The following PCCB variants were observed in gnomAD, a reference collection of about 807,000 sequenced individuals.
The protein encoded by PCCB is propionyl-CoA carboxylase beta chain, mitochondrial.
Under a neutral mutation model 60.7 loss-of-function variants are expected in PCCB, and 43 were observed. The ratio of observed to expected loss-of-function variants is 0.71; its 90% CI spans 0.55 to 0.91. The LOEUF is 0.91. PCCB is among the 40% of genes least tolerant of loss of function. PCCB has a pLI of 0.00. For synonymous variants in PCCB, 276 were observed against 255.9 expected (o/e 1.08, Z -0.75); for missense variants, 766 against 702.8 (o/e 1.09, Z -1.02).
chr3:136,264,440 G>GTATATATATATATATATATA (rs370057075), intron 5 of PCCB, among the ~76,000 whole-genome samples: 4 of 123,780 alleles, frequency 3.2e-5, no homozygotes, highest in African/African-American at 1.2e-4. Context: ...ATGTGTGTGT[G>GTATATATATATATATATATA]TATATATGTA....
intron 5 of PCCB, among the ~76,000 whole-genome samples, chr3:136,266,671 TG>T (rs1941991911): frequency 3.3e-5 from 5 of 152,254 alleles, no homozygotes; most frequent in African/African-American, 1.2e-4. Flanking sequence ...TGACTAATCA[TG>T]TTGAGCATCT....
chr3:136,274,819 T>C (rs1376218623), intron 5 of PCCB, among the ~76,000 whole-genome samples: 1 of 151,880 alleles, frequency 6.6e-6, no homozygotes, highest in Non-Finnish European at 1.5e-5. Flanking sequence ...GTTCATTTCT[T>C]CTTTCTTTTT....
chr3:136,273,597 C>CTTTTTTTTTTT, intron 5 of PCCB, among the ~76,000 whole-genome samples: 1 of 45,224 alleles, frequency 2.2e-5, no homozygotes, highest in Non-Finnish European at 4.2e-5. Flanking sequence ...TTTCTTTTTT[C>CTTTTTTTTTTT]TTTTTTTTTT....
chr3:136,266,883 A>ATTTTTAT (rs1941998179), intron 5 of PCCB, among the ~76,000 whole-genome samples: 1 of 151,044 alleles, frequency 6.6e-6, no homozygotes, highest in Non-Finnish European at 1.5e-5. Context: ...CTTTATTTTT[A>ATTTTTAT]TTTTTATTTT....
chr3:136,297,938 C>G lies in PCCB; in HGVS notation c.764-14C>G. The G allele has an allele frequency of 1.2e-6, 2 of 1,614,008 alleles. No homozygotes were observed. Among genetic ancestry groups the G allele is most frequent in the African/African-American group, 1.3e-5 (1 of 75,044 alleles). ...GTACCCTGACTCAATCATATATGCT[C>G]CCTGTTCTCTTAGGTGTGGCCCACA... On this transcript the variant is annotated splice_polypyrimidine_tract_variant and intron_variant, in intron 7 of 14. Coordinates refer to ENST00000251654, the MANE Select transcript of PCCB (RefSeq NM_000532.5).
At chr3:136,273,911 CAAAA>C (rs34690853) in intron 5 of PCCB, among the ~76,000 whole-genome samples, 53 of 55,514 alleles carry the variant, frequency 9.5e-4, no homozygotes, top group African/African-American at 3.4e-3. Context: ...GACTCTGTCT[CAAAA>C]AAAAAAAAAA....
intron 7 of PCCB, 132 bp from the exon 8 acceptor site, chr3:136,297,820 A>C: frequency 1.1e-6 from 1 of 918,748 alleles, no homozygotes; most frequent in South Asian, 1.3e-5. Context: ...TCCTCAGTGG[A>C]GGGTGCAGAG....
At chr3:136,273,695 G>A (rs1942265566) in intron 5 of PCCB, among the ~76,000 whole-genome samples, 2 of 144,346 alleles carry the variant, frequency 1.4e-5, no homozygotes, top group Admixed American at 7.1e-5. Context: ...GGCGGATCGC[G>A]AGGTCAGGAG....
rs1935374698 is a variant in PCCB at position 136,327,677 on chromosome 3, G to C, written c.1343G>C (p.Cys448Ser). The C allele has an allele frequency of 6.2e-7, 1 of 1,613,986 alleles. No homozygotes were observed. The highest frequency in any genetic ancestry group is 1.3e-5 in the African/African-American group (1 of 74,920). Residue 448 changes from cysteine to serine, a missense_variant, in exon 13 of 15, where the codon TGT (cysteine) becomes TCT (serine). Cys to Ser is a moderately radical substitution (Grantham distance 112). Transcript: ENST00000251654. Reference protein sequence around the residue: ...AYDVMSSKHLCGDTNYAWPTA... With the variant: ...AYDVMSSKHLSGDTNYAWPTA... ...GATGTCATGAGCTCTAAGCACCTTT[G>C]TGGTGATACCAACTATGCCTGGCCC...
intron 6 of PCCB, among the ~76,000 whole-genome samples, chr3:136,286,673 C>CA (rs941191416): frequency 5.3e-5 from 8 of 152,140 alleles, no homozygotes; most frequent in African/African-American, 1.7e-4. Flanking sequence ...TTCTTACTAA[C>CA]AAAACTGCTA....
intron 10 of PCCB, among the ~76,000 whole-genome samples, chr3:136,318,592 A>G (rs1934999320): frequency 6.6e-6 from 1 of 152,106 alleles, no homozygotes; most frequent in Non-Finnish European, 1.5e-5. Flanking sequence ...TTCTAAATCT[A>G]CTTTCTCTCT....
intron 5 of PCCB, among the ~76,000 whole-genome samples, chr3:136,283,173 G>T (rs1040450421): frequency 6.6e-6 from 1 of 152,192 alleles, no homozygotes; most frequent in Non-Finnish European, 1.5e-5. Context: ...GAATTTGGAA[G>T]TAGGGCAAAG....
intron 5 of PCCB, among the ~76,000 whole-genome samples, chr3:136,267,981 T>C (rs1942053433): frequency 7.2e-6 from 1 of 139,730 alleles, no homozygotes; most frequent in African/African-American, 2.7e-5. Flanking sequence ...AGTTTCACTC[T>C]TGTCGCCCAG....
intron 10 of PCCB, among the ~76,000 whole-genome samples, chr3:136,323,408 T>C (rs1935177971): frequency 6.6e-6 from 1 of 152,222 alleles, no homozygotes; most frequent in Non-Finnish European, 1.5e-5. Context: ...TATTGTACTT[T>C]TCAGCTCCAG....
Position 136,293,812 on chromosome 3 carries a change from G to C in PCCB, c.711G>C (p.Glu237Asp). The C allele has an allele frequency of 6.2e-7, 1 of 1,613,624 alleles. No homozygotes were observed. The highest frequency in any genetic ancestry group is 8.5e-7 in the Non-Finnish European group (1 of 1,179,590). ...GPDVVKSVTN[E>D]DVTQEELGGA... Reference sequence around the variant, plus strand: ...ATGTTGTGAAGTCTGTCACCAATGAGGATGTTACCCAGGAGGAGCTCGGTG... The same window carrying C: ...ATGTTGTGAAGTCTGTCACCAATGACGATGTTACCCAGGAGGAGCTCGGTG... The change falls in exon 7 of 15, where the codon GAG becomes GAC. Residue 237 changes from glutamate to aspartate, a missense_variant. By Grantham distance (45) the Glu-to-Asp change is conservative (BLOSUM62 2). Transcript: ENST00000251654.
chr3:136,252,300 C>T (rs933707183), intron 1 of PCCB: 3 of 455,620 alleles, frequency 6.6e-6, no homozygotes, highest in Admixed American at 4.7e-5. Context: ...CTCTGTTGCC[C>T]AGGCTAGAGT....
At position 136,271,664 on chromosome 3, in the gene PCCB, A is replaced by G. The variant is rs141758978; in HGVS notation, c.543+9599A>G. Among the ~76,000 whole-genome samples, 1,133 of 152,122 alleles carry G rather than the reference A, an allele frequency of 7.4e-3. 10 individuals carry two copies. Among genetic ancestry groups the G allele is most frequent in the Middle Eastern group, 0.017 (5 of 294 alleles). ...TCTTGATTTGATTGTCACTTTGGTT[A>G]TTGTTGGTGTATAGCAGAGCTATTT... On this transcript the variant is annotated intron_variant, in intron 5 of 14. Transcript: ENST00000251654.
chr3:136,299,495 C>G (rs1318613346), intron 8 of PCCB, among the ~76,000 whole-genome samples: 1 of 145,536 alleles, frequency 6.9e-6, no homozygotes, highest in African/African-American at 2.6e-5. Flanking sequence ...TATGTATATG[C>G]ATGTGTATGT....
chr3:136,327,419 C>CT (rs1156469967), intron 12 of PCCB, among the ~76,000 whole-genome samples, 164 bp downstream of exon 12: 2 of 152,146 alleles, frequency 1.3e-5, no homozygotes, highest in African/African-American at 2.4e-5. Context: ...AATGTCTGTG[C>CT]TTTTTTAACA....
Sources: gnomAD v4.1 joint callset for allele counts (sites outside exome capture counted in the v4.1 genomes callset) on GRCh38, gnomAD v4.1.1 for gene constraint, MANE v1.5 for transcripts, NCBI Gene and HGNC (gene_info 2026-07-23, HGNC 2026-07-21) for gene names.